Variants in SCAPER observed in about 807,000 individuals in gnomAD.
SCAPER encodes S phase cyclin A-associated protein in the endoplasmic reticulum.
In SCAPER, 98 loss-of-function variants were observed where a neutral mutation model predicts 182.2. The ratio of observed to expected loss-of-function variants is 0.54; its 90% CI spans 0.46 to 0.64. SCAPER has a LOEUF of 0.64. Ranked by LOEUF, SCAPER falls within the 30% of genes least tolerant of loss-of-function variation. The pLI, the probability that SCAPER is intolerant of heterozygous loss-of-function variation, is 0.00. For synonymous variants in SCAPER, 605 were observed against 564.6 expected (o/e 1.07, Z -1.01); for missense variants, 1,432 against 1,690.0 (o/e 0.85, Z 2.68).
chr15:76,849,442 C>A (rs994945300), intron 4 of SCAPER, among the ~76,000 whole-genome samples: 2 of 152,186 alleles, frequency 1.3e-5, no homozygotes, highest in Admixed American at 6.5e-5. Context: ...AGACAGGGAA[C>A]CCCCAGCTTG....
chr15:76,738,887 G>A (rs2061412918), intron 15 of SCAPER, among the ~76,000 whole-genome samples: 1 of 152,002 alleles, frequency 6.6e-6, no homozygotes, highest in Non-Finnish European at 1.5e-5. Flanking sequence ...TGGAAAAAAT[G>A]GCAAAAATAA....
chr15:76,717,498 T>C (rs2059951573), intron 17 of SCAPER, among the ~76,000 whole-genome samples: 1 of 152,080 alleles, frequency 6.6e-6, no homozygotes, highest in Non-Finnish European at 1.5e-5. Context: ...ATACATAATA[T>C]AAAAAGATGA....
chr15:76,553,146 C>A (rs1318609518), intron 23 of SCAPER, among the ~76,000 whole-genome samples: 1 of 152,224 alleles, frequency 6.6e-6, no homozygotes, highest in Non-Finnish European at 1.5e-5. Context: ...TGTCTCCCTT[C>A]CCTGGATGGT....
At chr15:76,897,560 A>G (rs2152620336) in intron 1 of SCAPER, among the ~76,000 whole-genome samples, 1 of 152,228 alleles carries the variant, frequency 6.6e-6, no homozygotes, top group Non-Finnish European at 1.5e-5. Context: ...ACAAAAACTT[A>G]GCTGGGTGTG....
At chr15:76,525,923 A>G (rs1007275778) in intron 23 of SCAPER, among the ~76,000 whole-genome samples, 2 of 152,176 alleles carry the variant, frequency 1.3e-5, no homozygotes, top group African/African-American at 4.8e-5. Flanking sequence ...TAAGTTCTTC[A>G]AGAAATCTCC....
chr15:76,507,363 G>A (rs112234921), intron 23 of SCAPER, among the ~76,000 whole-genome samples: 5 of 152,080 alleles, frequency 3.3e-5, no homozygotes, highest in African/African-American at 1.2e-4. Flanking sequence ...ATCTAAAACC[G>A]AGGGAAAATC....
chr15:76,791,521 A>T (rs1030996450), intron 8 of SCAPER, among the ~76,000 whole-genome samples: 1 of 152,150 alleles, frequency 6.6e-6, no homozygotes, highest in East Asian at 1.9e-4. Context: ...ACTGAAACAG[A>T]TATTAGAATT....
chr15:76,885,673 C>T (rs1027791310), intron 1 of SCAPER, among the ~76,000 whole-genome samples: 3 of 152,082 alleles, frequency 2.0e-5, no homozygotes, highest in South Asian at 2.1e-4. Flanking sequence ...TTGGCAGAGA[C>T]GGAGTTTCAC....
intron 23 of SCAPER, among the ~76,000 whole-genome samples, chr15:76,566,254 A>G (rs1226856326): frequency 6.6e-6 from 1 of 152,150 alleles, no homozygotes; most frequent in African/African-American, 2.4e-5. Flanking sequence ...GAATTTTACA[A>G]GATAAGTTTT....
chr15:76,626,831 A>C (rs2052628148), intron 21 of SCAPER, among the ~76,000 whole-genome samples: 1 of 152,228 alleles, frequency 6.6e-6, no homozygotes, highest in African/African-American at 2.4e-5. Context: ...CGCTCTTAAA[A>C]GTCAGGTGGT....
intron 21 of SCAPER, among the ~76,000 whole-genome samples, chr15:76,659,394 C>A (rs2055935731): frequency 2.0e-5 from 3 of 152,100 alleles, no homozygotes; most frequent in Admixed American, 6.6e-5. Context: ...CCTCAGTCTT[C>A]TGAGAAGCTG....
chr15:76,570,911 G>T (rs979552025), intron 23 of SCAPER, among the ~76,000 whole-genome samples: 14 of 151,990 alleles, frequency 9.2e-5, no homozygotes, highest in Admixed American at 3.9e-4. Flanking sequence ...TATGCCAGGG[G>T]TTGGACTATG....
In SCAPER at chr15:76,703,038, T is replaced by G. The variant is rs529530499; in HGVS notation, c.2248-36A>C. 4 of 1,513,340 alleles carry G rather than the reference T, an allele frequency of 2.6e-6. No homozygotes were observed. In the African/African-American group the frequency reaches 5.7e-5, roughly 22 times the overall value. The allele number at this position is 1,513,340 out of a possible 1,614,324, so 93.7% of individuals were successfully genotyped here. On this transcript the variant is annotated intron_variant, in intron 18 of 31. Coordinates refer to ENST00000563290, the MANE Select transcript of SCAPER (RefSeq NM_020843.4). ...AGTCAAAGTGCAAGAATTTCAAAAA[T>G]TATTCAAATTATGGTGAGAAATTGG... is the stretch of plus-strand genomic sequence containing the variant.
chr15:76,767,406 T>C (rs1379820614), intron 10 of SCAPER, among the ~76,000 whole-genome samples: 1 of 152,086 alleles, frequency 6.6e-6, no homozygotes, highest in African/African-American at 2.4e-5. Flanking sequence ...AGTGCCAAAA[T>C]TCAAAACAAT....
At chr15:76,567,197 A>G (rs921317003) in intron 23 of SCAPER, 7 of 312,676 alleles carry the variant, frequency 2.2e-5, no homozygotes, top group Admixed American at 4.2e-5. Context: ...TTTGTGAGAT[A>G]TATCCATATT....
intron 14 of SCAPER, among the ~76,000 whole-genome samples, chr15:76,762,629 CT>C (rs1186166815): frequency 6.6e-6 from 1 of 151,874 alleles, no homozygotes; most frequent in Non-Finnish European, 1.5e-5. Flanking sequence ...CCCTTAATAC[CT>C]TTTTGTCTTT....
At chr15:76,474,935 GA>G (rs1020168811) in intron 24 of SCAPER, among the ~76,000 whole-genome samples, 10 of 150,312 alleles carry the variant, frequency 6.7e-5, no homozygotes, top group Non-Finnish European at 5.9e-5. Context: ...CCTGAGTAAT[GA>G]AAAAAAAACC....
Position 76,416,787 on chromosome 15 carries a change from A to G in SCAPER, c.3312-12108T>C, listed in dbSNP as rs1596506271. Reference sequence around the variant, plus strand: ...TTATCTGAAAAAGTAAAAAACTAAAATACACTTACATGTGTAATAATAGGT... The same window carrying G: ...TTATCTGAAAAAGTAAAAAACTAAAGTACACTTACATGTGTAATAATAGGT... On this transcript the variant is annotated intron_variant, in intron 26 of 31. Coordinates refer to ENST00000563290, the MANE Select transcript of SCAPER (RefSeq NM_020843.4). Among the ~76,000 whole-genome samples, 3 of 152,366 alleles carry G rather than the reference A, an allele frequency of 2.0e-5. No individual in the cohort carries two copies. The South Asian group carries it at 6.2e-4, about 32-fold the overall frequency.
At chr15:76,815,648 T>C (rs1271440896) in intron 5 of SCAPER, among the ~76,000 whole-genome samples, 1 of 152,170 alleles carries the variant, frequency 6.6e-6, no homozygotes, top group Non-Finnish European at 1.5e-5. Context: ...CATTACCACC[T>C]GAGCTCCACC....
Sources: allele counts gnomAD v4.1 joint callset (sites outside exome capture counted in the v4.1 genomes callset), GRCh38; gene constraint gnomAD v4.1.1; transcripts MANE v1.5; gene names NCBI Gene and HGNC (gene_info 2026-07-23, HGNC 2026-07-21).